The following EGLN1 variants were observed in gnomAD, a reference collection of about 807,000 sequenced individuals.
EGLN1 encodes the protein egl-9 family hypoxia inducible factor 1.
EGLN1 carries 17 observed loss-of-function variants against 38.3 expected under a neutral mutation model. The ratio of observed to expected loss-of-function variants is 0.44; its 90% CI spans 0.30 to 0.67. EGLN1 has a LOEUF of 0.67. Ranked by LOEUF, EGLN1 falls within the 30% of genes least tolerant of loss-of-function variation. The probability of loss-of-function intolerance (pLI) is 0.08; values close to 1 mark genes in which losing one functional copy is unlikely to be tolerated. For missense variants in EGLN1, 477 were observed against 603.3 expected (o/e 0.79, Z 2.19); for synonymous variants, 283 against 257.5 (o/e 1.10, Z -0.95).
chr1:231,381,489 A>G (rs556685478), intron 1 of EGLN1, among the ~76,000 whole-genome samples: 143 of 152,266 alleles, frequency 9.4e-4, no homozygotes, highest in African/African-American at 3.3e-3. Context: ...TGGCCCAAGA[A>G]TTATGAATTG....
rs73119665 is a variant in EGLN1, at chr1:231,390,729, G to A, written c.892-16630C>T. On this transcript the variant is annotated intron_variant, in intron 1 of 4. Coordinates refer to ENST00000366641, the MANE Select transcript of EGLN1 (RefSeq NM_022051.3). Reference sequence around the variant, plus strand: ...TGTCTGTCTTCAAGTTGCTAATACCGTTTTGAGGAAAGAAGAGCATAAGGC... The same window carrying A: ...TGTCTGTCTTCAAGTTGCTAATACCATTTTGAGGAAAGAAGAGCATAAGGC... Among the ~76,000 whole-genome samples, 10 of 152,180 alleles carry A rather than the reference G, an allele frequency of 6.6e-5. 1 individual carries two copies. Among genetic ancestry groups the A allele is most frequent in the African/African-American group, 2.2e-4 (9 of 41,430 alleles).
Position 231,400,528 on chromosome 1 carries a change from A to G in EGLN1, c.891+20470T>C, listed in dbSNP as rs370746882. Among the ~76,000 whole-genome samples, 42 of 152,290 alleles carry G rather than the reference A, an allele frequency of 2.8e-4. No individual in the cohort carries two copies. In the South Asian group the frequency reaches 8.3e-3, roughly 30 times the overall value. On this transcript the variant is annotated intron_variant, in intron 1 of 4. Transcript: ENST00000366641. Reference sequence around the variant, plus strand: ...AGGTTAATATGAACTTTACTACTTGACCAATACCATATGTTATGATTTACA... The same window carrying G: ...AGGTTAATATGAACTTTACTACTTGGCCAATACCATATGTTATGATTTACA...
At position 231,422,186 on chromosome 1, in the gene EGLN1, C is replaced by G. The variant is rs1656658173; in HGVS notation, c.-298G>C. 2 of 224,290 alleles carry G rather than the reference C, an allele frequency of 8.9e-6. No individual in the cohort carries two copies. The highest frequency in any genetic ancestry group is 4.6e-5 in the African/African-American group (2 of 43,588). 13.9% of individuals were successfully genotyped at this position (224,290 alleles called of 1,614,324 possible). The stretch of plus-strand genomic sequence containing the variant: ...GGCTCAGGCGCGCGGGCCTGGGGAG[C>G]GCAAGACCGGCCCCCTCGGCCGCCG... On this transcript the variant is annotated 5_prime_UTR_variant, in exon 1 of 5. Coordinates refer to ENST00000366641, the MANE Select transcript of EGLN1 (RefSeq NM_022051.3).
chr1:231,420,164 A>G (rs985681579), intron 1 of EGLN1: 5 of 152,360 alleles, frequency 3.3e-5, no homozygotes, highest in Middle Eastern at 6.8e-3. Context: ...AGAGAAAACA[A>G]AAAGATCTCA....
Position 231,391,086 on chromosome 1 carries a change from T to G in EGLN1, c.892-16987A>C, listed in dbSNP as rs60881945. ...TGTGAGACAGGGAACTCATTCTGTT[T>G]TTTTTTTGTGTGTGTGTGTGTGTGT... On this transcript the variant is annotated intron_variant, in intron 1 of 4. Coordinates refer to ENST00000366641, the MANE Select transcript of EGLN1 (RefSeq NM_022051.3). 1.5e-3 allele frequency among the ~76,000 whole-genome samples: 52 copies of G among 34,394 alleles called. 3 individuals are homozygous for G. Among genetic ancestry groups the G allele is most frequent in the Admixed American group, 3.7e-3 (13 of 3,468 alleles). 22.6% of individuals were successfully genotyped at this position (34,394 alleles called of 152,430 possible).
At chr1:231,385,008 G>A (rs1428372728) in intron 1 of EGLN1, among the ~76,000 whole-genome samples, 1 of 152,144 alleles carries the variant, frequency 6.6e-6, no homozygotes, top group East Asian at 1.9e-4. Context: ...GAAGGCTACC[G>A]CATAAATCAG....
chr1:231,385,705 G>C (rs1362804578), intron 1 of EGLN1, among the ~76,000 whole-genome samples: 1 of 152,190 alleles, frequency 6.6e-6, no homozygotes, highest in Non-Finnish European at 1.5e-5. Flanking sequence ...ATTCAGACTA[G>C]AGGTTTTCAT....
intron 1 of EGLN1, among the ~76,000 whole-genome samples, chr1:231,408,957 T>C: frequency 6.6e-6 from 1 of 151,610 alleles, no homozygotes; most frequent in East Asian, 2.0e-4. Context: ...TATATGGTAG[T>C]GAAATGTTCT....
intron 1 of EGLN1, among the ~76,000 whole-genome samples, chr1:231,408,736 CCA>C (rs1433795797): frequency 5.3e-5 from 8 of 152,024 alleles, no homozygotes; most frequent in African/African-American, 1.9e-4. Context: ...TGGAAACCAG[CCA>C]CAGTGAAGTA....
At chr1:231,390,505 T>A (rs999510837) in intron 1 of EGLN1, among the ~76,000 whole-genome samples, 8 of 152,230 alleles carry the variant, frequency 5.3e-5, no homozygotes, top group Non-Finnish European at 1.0e-4. Context: ...TTAGAATGGC[T>A]AACTTAACTG....
chr1:231,422,059 G>T lies in EGLN1; in HGVS notation c.-171C>A, dbSNP rs1014045341. On this transcript the variant is annotated 5_prime_UTR_variant, in exon 1 of 5. Transcript: ENST00000366641. ...GGCACCCCACGCCCTCGGCCCGGCC[G>T]CTTCCGAGTCCTAAGCTCCGGCGCA... The T allele has an allele frequency of 8.0e-6, 5 of 622,358 alleles. No individual in the cohort carries two copies. The highest frequency in any genetic ancestry group is 7.9e-5 in the African/African-American group (4 of 50,948). 38.6% of individuals were successfully genotyped at this position (622,358 alleles called of 1,614,324 possible).
chr1:231,421,041 C>G lies in EGLN1; in HGVS notation c.848G>C (p.Cys283Ser), dbSNP rs751719158. ...TTTGTAGCTGCCCAGCTTCCCGTTA[C>G]AGTGGCGTATCAGGTCGTCCATGCT... ...MSSMDDLIRHCNGKLGSYKIN... is the reference protein window; with the variant it reads ...MSSMDDLIRHSNGKLGSYKIN... The change falls in exon 1 of 5, where the codon TGT (cysteine) becomes TCT (serine). Residue 283 changes from cysteine to serine, a missense_variant. Around this residue, in one of 4 missense-constraint regions of EGLN1, gnomAD observed 119 missense variants for 179.0 expected, o/e 0.66. Coordinates refer to ENST00000366641, the MANE Select transcript of EGLN1 (RefSeq NM_022051.3). This position sits in a 1 kb window ranked among gnomAD's most constrained non-coding sequence, Gnocchi z 5.5. The G allele has an allele frequency of 1.9e-6, 3 of 1,614,038 alleles. No homozygotes were observed. The highest frequency in any genetic ancestry group is 2.2e-5 in the South Asian group (2 of 91,086).
At position 231,422,224 on chromosome 1, in the gene EGLN1, C is replaced by A. The variant is rs1656661189; in HGVS notation, c.-336G>T. The A allele has an allele frequency of 1.1e-5, 2 of 180,130 alleles. No individual in the cohort carries two copies. The highest frequency in any genetic ancestry group is 1.3e-4 in the Admixed American group (2 of 15,770). The allele number at this position is 180,130 out of a possible 1,614,324, so 11.2% of individuals were successfully genotyped here. ...CCCTCGGCCGCCGCCGCCGCCTCAGCGTCCCGGGCGGCCCGGCCCAGGCTG... is the reference window on the plus strand; with the variant it reads ...CCCTCGGCCGCCGCCGCCGCCTCAGAGTCCCGGGCGGCCCGGCCCAGGCTG... On this transcript the variant is annotated 5_prime_UTR_variant, in exon 1 of 5. Transcript: ENST00000366641.
intron 1 of EGLN1, among the ~76,000 whole-genome samples, chr1:231,404,756 T>G (rs1688746579): frequency 6.6e-6 from 1 of 151,966 alleles, no homozygotes; most frequent in Admixed American, 6.6e-5. Context: ...CTTAAATAAT[T>G]AAATTCATGA....
Position 231,421,699 on chromosome 1 carries a change from C to T in EGLN1, c.190G>A (p.Ala64Thr), listed in dbSNP as rs776333127. 1.1e-5 allele frequency: 16 copies of T among 1,513,682 alleles called. No individual in the cohort carries two copies. Among genetic ancestry groups the T allele is most frequent in the Middle Eastern group, 2.3e-4 (1 of 4,274 alleles). 93.8% of individuals were successfully genotyped at this position (1,513,682 alleles called of 1,614,324 possible). A position where few individuals can be genotyped will look rare whatever the true frequency, so the allele number is the denominator to read the frequency against. The change falls in exon 1 of 5, where the codon GCC (alanine) becomes ACC (threonine). Residue 64 changes from alanine to threonine, a missense_variant. Around this residue, in one of 4 missense-constraint regions of EGLN1, gnomAD observed 298 missense variants for 288.9 expected, o/e 1.03. Transcript: ENST00000366641. This position sits in a 1 kb window ranked among gnomAD's most constrained non-coding sequence, Gnocchi z 5.5. ...HKLVCQGSEG[A>T]LGHGVGPHQH... ...TGTGGGCCCACTCCGTGGCCGAGGG[C>T]GCCCTCGCTGCCCTGGCACACGAGC...
intron 1 of EGLN1, among the ~76,000 whole-genome samples, chr1:231,401,531 T>C (rs1023536155): frequency 6.6e-6 from 1 of 152,148 alleles, no homozygotes; most frequent in Non-Finnish European, 1.5e-5. Context: ...TGGCATCAGA[T>C]TATTTGTGAC....
At chr1:231,416,979 T>TA (rs1381408706) in intron 1 of EGLN1, among the ~76,000 whole-genome samples, 1 of 152,212 alleles carries the variant, frequency 6.6e-6, no homozygotes, top group African/African-American at 2.4e-5. Flanking sequence ...AAAAAGGAGA[T>TA]AAAGGTGTAC....
intron 1 of EGLN1, among the ~76,000 whole-genome samples, chr1:231,409,988 G>C (rs1688894670): frequency 6.6e-6 from 1 of 151,932 alleles, no homozygotes; most frequent in African/African-American, 2.4e-5. Flanking sequence ...AGATAACCCA[G>C]GGGGAAAAAA....
intron 2 of EGLN1, among the ~76,000 whole-genome samples, chr1:231,372,233 T>C (rs1273809042): frequency 6.6e-6 from 1 of 152,258 alleles, no homozygotes; most frequent in Admixed American, 6.5e-5. Flanking sequence ...TCAATCTTTC[T>C]GATCTGTATC....
Sources: gnomAD v4.1 joint callset for allele counts (sites outside exome capture counted in the v4.1 genomes callset) on GRCh38, gnomAD v4.1.1 for gene constraint, gnomAD v4.1.1 regional missense constraint, Gnocchi (gnomAD v3.1) non-coding constraint, MANE v1.5 for transcripts, NCBI Gene and HGNC (gene_info 2026-07-23, HGNC 2026-07-21) for gene names.